CCM2: variants seen among roughly 807,000 people sequenced by gnomAD.
The protein encoded by CCM2 is CCM2 scaffold protein, also known as cerebral cavernous malformations 2 protein.
CCM2 carries 25 observed loss-of-function variants against 44.9 expected under a neutral mutation model. The observed-to-expected ratio is 0.56, with a 90% confidence interval of 0.41 to 0.78. The LOEUF is 0.78. Among genes scored for constraint, CCM2 ranks in the 30% least tolerant of loss-of-function variants. CCM2 has a pLI of 0.00. For synonymous variants in CCM2, 219 were observed against 241.1 expected (o/e 0.91, Z 0.85); for missense variants, 481 against 580.6 (o/e 0.83, Z 1.76).
In CCM2 at chr7:45,063,986, C is replaced by T; in HGVS notation, c.273C>T (p.Phe91=). The stretch of plus-strand genomic sequence containing the variant: ...CCAGTAGGACTGAAATCCTGCATTT[C>T]ATAGACAATGCAAAGGTAACCCTAT... ...NPSSRTEILH[F]IDNAKRAHQL... is the part of the protein sequence containing the mutation. The change falls in exon 3 of 10, where the codon TTC becomes TTT. Residue 91 remains phenylalanine, a synonymous_variant. Coordinates refer to ENST00000258781, the MANE Select transcript of CCM2 (RefSeq NM_031443.4). The T allele has an allele frequency of 6.2e-7, 1 of 1,610,512 alleles. No homozygotes were observed. Among genetic ancestry groups the T allele is most frequent in the Non-Finnish European group, 8.5e-7 (1 of 1,176,720 alleles).
intron 2 of CCM2, among the ~76,000 whole-genome samples, chr7:45,052,651 A>G (rs1284803535): frequency 2.6e-5 from 4 of 152,168 alleles, no homozygotes; most frequent in African/African-American, 7.2e-5. Flanking sequence ...TGTACCCAAG[A>G]TTGTTTATCC....
intron 1 of CCM2, among the ~76,000 whole-genome samples, chr7:45,007,075 T>C (rs1269996745): frequency 1.3e-5 from 2 of 152,198 alleles, no homozygotes; most frequent in Non-Finnish European, 2.9e-5. Flanking sequence ...CCTTAGGGTC[T>C]CTGGGGTGAG....
At chr7:45,011,936 G>A (rs1370844002) in intron 1 of CCM2, among the ~76,000 whole-genome samples, 1 of 152,146 alleles carries the variant, frequency 6.6e-6, no homozygotes, top group East Asian at 1.9e-4. Flanking sequence ...CTGGCCTAAA[G>A]CCACCTTGGC....
chr7:45,076,261 C>G lies in CCM2; in HGVS notation c.*204C>G. 1.3e-6 allele frequency: 1 copy of G among 764,006 alleles called. No individual in the cohort carries two copies. 47.3% of individuals were successfully genotyped at this position (764,006 alleles called of 1,614,324 possible). On this transcript the variant is annotated 3_prime_UTR_variant, in exon 10 of 10. Transcript: ENST00000258781. Reference sequence around the variant, plus strand: ...ACGAGCCTCAGTGCGGGGTGGAAGGCTCTTTGCCTTGTCCACCAGGGCTCA... The same window carrying G: ...ACGAGCCTCAGTGCGGGGTGGAAGGGTCTTTGCCTTGTCCACCAGGGCTCA...
Position 45,040,820 on chromosome 7 carries a change from CTA to C in CCM2, c.204+2396_204+2397del, listed in dbSNP as rs1000104849. On this transcript the variant is annotated intron_variant, in intron 2 of 9. Transcript: ENST00000258781. ...TGGCCAACATGGCGAAACCCTGTCT[CTA>C]TTAAAAATGCCAGAAAAATTAGCCA... Among the ~76,000 whole-genome samples, 40 of 152,186 alleles carry C rather than the reference CTA, an allele frequency of 2.6e-4. 1 individual carries two copies. The highest frequency in any genetic ancestry group is 9.4e-4 in the African/African-American group (39 of 41,446).
At chr7:45,035,974 A>G (rs1192189002) in intron 1 of CCM2, among the ~76,000 whole-genome samples, 1 of 152,172 alleles carries the variant, frequency 6.6e-6, no homozygotes, top group African/African-American at 2.4e-5. Context: ...AGATTATTGT[A>G]TTGATTGCCT....
intron 8 of CCM2, chr7:45,074,033 G>A: frequency 2.5e-6 from 2 of 810,916 alleles, no homozygotes; most frequent in South Asian, 3.6e-5. Context: ...CATGCACTCT[G>A]TGTTCCAGCT....
chr7:45,074,790 G>A (rs1799262878), intron 9 of CCM2, among the ~76,000 whole-genome samples: 1 of 152,178 alleles, frequency 6.6e-6, no homozygotes. Flanking sequence ...GAATGTGTAG[G>A]ACTTCAAGGC....
intron 1 of CCM2, among the ~76,000 whole-genome samples, chr7:45,035,811 T>A (rs1055116626): frequency 7.2e-5 from 11 of 152,068 alleles, no homozygotes; most frequent in African/African-American, 2.7e-4. Flanking sequence ...GACAGTCTGA[T>A]TATATACATA....
At chr7:45,040,289 TAGG>T (rs1797426508) in intron 2 of CCM2, among the ~76,000 whole-genome samples, 1 of 149,898 alleles carries the variant, frequency 6.7e-6, no homozygotes, top group African/African-American at 2.5e-5. Flanking sequence ...GAGGCTGACA[TAGG>T]AGAATGGCGT....
At chr7:45,052,441 G>T (rs914893128) in intron 2 of CCM2, among the ~76,000 whole-genome samples, 2 of 152,152 alleles carry the variant, frequency 1.3e-5, no homozygotes, top group African/African-American at 2.4e-5. Context: ...TGAGGCTGTG[G>T]GTGTAATTTA....
chr7:45,028,832 G>A (rs1040505156), intron 1 of CCM2, among the ~76,000 whole-genome samples: 5 of 152,122 alleles, frequency 3.3e-5, no homozygotes. Flanking sequence ...TGCAGGGAGT[G>A]CTGGAAGTTT....
chr7:45,052,862 G>T (rs898561791), intron 2 of CCM2, among the ~76,000 whole-genome samples: 3 of 152,180 alleles, frequency 2.0e-5, no homozygotes, highest in Non-Finnish European at 4.4e-5. Context: ...CTATGGCCAG[G>T]GGTCAGGGGC....
intron 1 of CCM2, among the ~76,000 whole-genome samples, chr7:45,009,074 G>C (rs78247664): frequency 6.6e-6 from 1 of 152,056 alleles, no homozygotes; most frequent in Non-Finnish European, 1.5e-5. Context: ...GGCCAAGGCA[G>C]GCAGATCACC....
chr7:45,059,831 A>G (rs1461497516), intron 2 of CCM2, among the ~76,000 whole-genome samples: 1 of 152,208 alleles, frequency 6.6e-6, no homozygotes, highest in Non-Finnish European at 1.5e-5. Flanking sequence ...TCCACTTTCA[A>G]ATAATGCTGT....
chr7:45,044,609 T>C (rs1327077716), intron 2 of CCM2, among the ~76,000 whole-genome samples: 1 of 152,182 alleles, frequency 6.6e-6, no homozygotes, highest in Non-Finnish European at 1.5e-5. Flanking sequence ...TTTAGCCCAA[T>C]TTGACTGGGC....
intron 1 of CCM2, among the ~76,000 whole-genome samples, chr7:45,014,513 A>G (rs983685495): frequency 6.6e-6 from 1 of 151,456 alleles, no homozygotes; most frequent in Non-Finnish European, 1.5e-5. Flanking sequence ...AATTTTGGCC[A>G]TGTTGCCCAC....
intron 1 of CCM2, among the ~76,000 whole-genome samples, chr7:45,034,811 G>C (rs1489941105): frequency 2.0e-5 from 3 of 151,974 alleles, no homozygotes; most frequent in African/African-American, 7.2e-5. Context: ...GTGAGCCACT[G>C]CACCCAGCTT....
intron 1 of CCM2, among the ~76,000 whole-genome samples, chr7:45,030,924 A>G (rs1327553890): frequency 6.6e-6 from 1 of 151,410 alleles, no homozygotes; most frequent in African/African-American, 2.4e-5. Flanking sequence ...GGGTTTCACC[A>G]TGTTGGCCAG....
Sources: allele counts gnomAD v4.1 joint callset (sites outside exome capture counted in the v4.1 genomes callset), GRCh38; gene constraint gnomAD v4.1.1; transcripts MANE v1.5; gene names NCBI Gene and HGNC (gene_info 2026-07-23, HGNC 2026-07-21).